PDE1C: variants seen among roughly 807,000 people sequenced by gnomAD.
PDE1C encodes the protein dual specificity calcium/calmodulin-dependent 3',5'-cyclic nucleotide phosphodiesterase 1C.
Under a neutral mutation model 93.1 loss-of-function variants are expected in PDE1C, and 62 were observed. The observed-to-expected ratio is 0.67, with a 90% CI of 0.54 to 0.82. The LOEUF is 0.82. PDE1C is among the 40% of genes least tolerant of loss of function. The pLI, the probability that PDE1C is intolerant of heterozygous loss-of-function variation, is 0.00. For missense variants in PDE1C, 742 were observed against 884.6 expected, an observed-to-expected ratio of 0.84 and a Z score of 2.04; for synonymous variants, 325 against 310.1, an observed-to-expected ratio of 1.05 and a Z score of -0.50.
At chr7:31,820,143 A>G (rs1788782398) in intron 14 of PDE1C, among the ~76,000 whole-genome samples, 1 of 152,134 alleles carries the variant, frequency 6.6e-6, no homozygotes, top group African/African-American at 2.4e-5. Context: ...TATTCAAAAG[A>G]AAGGCCAAAT....
chr7:32,208,721 T>C (rs1279355153), intron 2 of PDE1C, among the ~76,000 whole-genome samples: 3 of 151,764 alleles, frequency 2.0e-5, no homozygotes. Flanking sequence ...TTCCCCCCCC[T>C]TCTTTGGAAT....
At chr7:32,170,859 A>G (rs1182845529) in intron 2 of PDE1C, among the ~76,000 whole-genome samples, 1 of 151,276 alleles carries the variant, frequency 6.6e-6, no homozygotes, top group East Asian at 2.0e-4. Context: ...CACCCCATCT[A>G]CCTCCCTTAT....
At chr7:31,648,957 C>T in the PDE1C span, among the ~76,000 whole-genome samples, 13 of 152,178 alleles carry the variant, frequency 8.5e-5, no homozygotes, top group Non-Finnish European at 1.3e-4. Flanking sequence ...AACAGATGCC[C>T]TTCATGGTCT....
At chr7:31,678,586 G>A in the PDE1C span, among the ~76,000 whole-genome samples, 6 of 152,184 alleles carry the variant, frequency 3.9e-5, no homozygotes, top group African/African-American at 1.4e-4. Context: ...GGTGCCTACT[G>A]TGGAGCCAAG....
intron 2 of PDE1C, among the ~76,000 whole-genome samples, chr7:32,179,755 G>A (rs569271589): frequency 6.6e-5 from 10 of 152,284 alleles, no homozygotes; most frequent in Admixed American, 6.5e-4. Context: ...AGTAAAAGGA[G>A]CCCAAGGTGA....
At chr7:32,339,683 G>A (rs779921679) in intron 1 of PDE1C, among the ~76,000 whole-genome samples, 3 of 152,176 alleles carry the variant, frequency 2.0e-5, no homozygotes, top group Admixed American at 6.5e-5. Flanking sequence ...TGAAATGTCA[G>A]TGGAAGAGAG....
chr7:32,100,350 C>T (rs921804878), intron 3 of PDE1C, among the ~76,000 whole-genome samples: 13 of 152,224 alleles, frequency 8.5e-5, no homozygotes, highest in African/African-American at 3.1e-4. Context: ...CCCCATTAGT[C>T]ATCCAGTGCC....
chr7:31,998,036 T>C (rs908110385), intron 2 of PDE1C, among the ~76,000 whole-genome samples: 1 of 152,062 alleles, frequency 6.6e-6, no homozygotes, highest in African/African-American at 2.4e-5. Context: ...ATTTATTTTT[T>C]TGAGACGGAG....
intron 3 of PDE1C, among the ~76,000 whole-genome samples, chr7:32,167,091 T>C (rs1472644693): frequency 6.6e-6 from 1 of 152,096 alleles, no homozygotes; most frequent in South Asian, 2.1e-4. Flanking sequence ...AACATAAAAA[T>C]ATTTGAAATT....
At chr7:31,682,026 C>T in the PDE1C span, among the ~76,000 whole-genome samples, 1 of 152,170 alleles carries the variant, frequency 6.6e-6, no homozygotes, top group South Asian at 2.1e-4. Context: ...ATGCTGGAGT[C>T]AGACTGTCTG....
chr7:32,009,670 T>C (rs1327339039), intron 2 of PDE1C, among the ~76,000 whole-genome samples: 4 of 152,190 alleles, frequency 2.6e-5, no homozygotes, highest in African/African-American at 9.7e-5. Flanking sequence ...AACATTATTA[T>C]GAAGGTTGCA....
At chr7:31,896,828 T>C (rs1198318736) in intron 2 of PDE1C, among the ~76,000 whole-genome samples, 2 of 152,212 alleles carry the variant, frequency 1.3e-5, no homozygotes, top group Middle Eastern at 3.2e-3. Context: ...TTAAGCTACC[T>C]TGTCATGGTG....
At chr7:31,800,417 G>T (rs1040493406) in intron 16 of PDE1C, among the ~76,000 whole-genome samples, 2 of 151,508 alleles carry the variant, frequency 1.3e-5, no homozygotes, top group Non-Finnish European at 3.0e-5. Context: ...GATGTCGCTT[G>T]TATGTGATGT....
intron 9 of PDE1C, 91 bp from the exon 10 acceptor site, chr7:31,838,062 C>T: frequency 1.3e-6 from 1 of 795,584 alleles, no homozygotes; most frequent in South Asian, 1.5e-5. Context: ...TAATGAAAAT[C>T]AGTCAACGAT....
At chr7:32,238,947 A>C (rs562829850) in intron 1 of PDE1C, among the ~76,000 whole-genome samples, 25 of 152,312 alleles carry the variant, frequency 1.6e-4, no homozygotes, top group African/African-American at 5.8e-4. Flanking sequence ...ACAAGCAACA[A>C]CAAAGTGTTT....
chr7:31,940,851 C>T (rs910469636), intron 2 of PDE1C, among the ~76,000 whole-genome samples: 9 of 152,004 alleles, frequency 5.9e-5, no homozygotes, highest in Non-Finnish European at 1.2e-4. Context: ...TCCCTCCACA[C>T]ACACAGACCC....
intron 2 of PDE1C, among the ~76,000 whole-genome samples, chr7:32,188,600 TCTG>T (rs1294871133): frequency 6.6e-6 from 1 of 152,184 alleles, no homozygotes. Flanking sequence ...CTTATGTCTT[TCTG>T]CTGCTATCTT....
intron 2 of PDE1C, among the ~76,000 whole-genome samples, chr7:32,185,315 G>A (rs1803780774): frequency 6.6e-6 from 1 of 150,520 alleles, no homozygotes; most frequent in Non-Finnish European, 1.5e-5. Flanking sequence ...GGTTCTATTT[G>A]GTCACGTTAT....
intron 2 of PDE1C, among the ~76,000 whole-genome samples, chr7:32,042,692 G>A (rs1480237721): frequency 1.3e-5 from 2 of 152,126 alleles, no homozygotes; most frequent in African/African-American, 4.8e-5. Flanking sequence ...TCTGGCTAGG[G>A]GCTAAAGGAC....
Sources: allele counts gnomAD v4.1 joint callset (sites outside exome capture counted in the v4.1 genomes callset), GRCh38; gene constraint gnomAD v4.1.1; transcripts MANE v1.5; gene names NCBI Gene and HGNC (gene_info 2026-07-23, HGNC 2026-07-21).